Variants in DAB1 observed in about 807,000 individuals in gnomAD.
The protein encoded by DAB1 is DAB adaptor protein 1, also known as disabled homolog 1.
In DAB1, 15 loss-of-function variants were observed where a neutral mutation model predicts 64.6. That is an observed-to-expected ratio of 0.23 (90% CI 0.16 to 0.36). DAB1 has a LOEUF of 0.36. DAB1 is among the 10% of genes least tolerant of loss of function. The pLI is 1.00. For synonymous variants in DAB1, 235 were observed against 251.9 expected, an observed-to-expected ratio of 0.93 and a Z score of 0.64; for missense variants, 596 against 706.7, an observed-to-expected ratio of 0.84 and a Z score of 1.78.
intron 1 of DAB1, among the ~76,000 whole-genome samples, chr1:58,541,789 T>C (rs115513802): frequency 0.029 from 4,417 of 152,252 alleles, 84 homozygotes; most frequent in Non-Finnish European, 0.045. Context: ...GAAGGATCTG[T>C]TCATGATAAA....
chr1:58,361,687 T>C (rs923880938), intron 3 of DAB1, among the ~76,000 whole-genome samples: 1 of 152,018 alleles, frequency 6.6e-6, no homozygotes, highest in Non-Finnish European at 1.5e-5. Flanking sequence ...TGGCTTTCAG[T>C]CTCAGCTCTA....
intron 4 of DAB1, among the ~76,000 whole-genome samples, chr1:57,130,357 A>G (rs1657545745): frequency 6.6e-6 from 1 of 152,140 alleles, no homozygotes; most frequent in Non-Finnish European, 1.5e-5. Context: ...ATACATACAC[A>G]TTAAGAAAAA....
chr1:57,834,313 C>T lies in DAB1; in HGVS notation n.88-7858G>A, dbSNP rs549946042. ...TCTACTAAAAGAAATCAATTAGTTT[C>T]GTCTTGAAAATAAAATAAAATACAC... On this transcript the variant is annotated intron_variant and non_coding_transcript_variant, in intron 1 of 1. Coordinates refer to the DAB1 transcript ENST00000477280. Among the ~76,000 whole-genome samples the T allele has an allele frequency of 5.9e-5, 9 of 152,066 alleles. 1 individual carries two copies. In the South Asian group the frequency reaches 1.5e-3, roughly 25 times the overall value.
At chr1:58,039,385 G>T (rs1170912393) in intron 5 of DAB1, among the ~76,000 whole-genome samples, 5 of 152,142 alleles carry the variant, frequency 3.3e-5, no homozygotes, top group African/African-American at 9.7e-5. Flanking sequence ...AAAGGCTCTT[G>T]ATCAGGGTCC....
At chr1:57,312,847 C>T (rs1674841159) in intron 1 of DAB1, among the ~76,000 whole-genome samples, 1 of 152,060 alleles carries the variant, frequency 6.6e-6, no homozygotes, top group Non-Finnish European at 1.5e-5. Context: ...ACCTGTTTCT[C>T]CACTTGCTCA....
At chr1:57,483,062 T>C (rs533453702) in intron 7 of DAB1, among the ~76,000 whole-genome samples, 1 of 152,304 alleles carries the variant, frequency 6.6e-6, no homozygotes, top group Admixed American at 6.5e-5. Context: ...AAGTAGAATA[T>C]AAATTGAATG....
At position 57,026,027 on chromosome 1, in the gene DAB1, T is replaced by C. The variant is rs1165600535; in HGVS notation, c.740A>G (p.Glu247Gly). The change falls in exon 10 of 15, where the codon GAA (glutamate) becomes GGA (glycine). Residue 247 changes from glutamate (E) to glycine (G), a missense_variant. This residue lies in a region of DAB1 where 176 missense variants were observed against 266.7 expected (regional missense o/e 0.66). Coordinates refer to ENST00000371236, the MANE Select transcript of DAB1 (RefSeq NM_001365792.1). ...GGGTGTGGACATGTCCCCAAAAAGT[T>C]CTAATTGGGTCACAGCCTGTAAAGA... ...SQPVSAVTQL[E>G]LFGDMSTPPD... 1.3e-6 allele frequency: 2 copies of C among 1,598,460 alleles called. No homozygotes were observed. Among genetic ancestry groups the C allele is most frequent in the East Asian group, 4.6e-5 (2 of 43,944 alleles).
At chr1:57,737,778 G>A (rs1053346718) in intron 6 of DAB1, among the ~76,000 whole-genome samples, 2 of 152,190 alleles carry the variant, frequency 1.3e-5, no homozygotes, top group Non-Finnish European at 2.9e-5. Flanking sequence ...GCAGGGAAGA[G>A]TATGGTCATT....
chr1:57,052,107 C>T lies in DAB1; in HGVS notation c.723+10777G>A, dbSNP rs112325306. ...CACCAGTTTCTTTATATGTAAATCA[C>T]GTCTACCTGCTAGGGTTGTGATTAC... is the stretch of plus-strand genomic sequence containing the variant. On this transcript the variant is annotated intron_variant, in intron 9 of 14. Coordinates refer to ENST00000371236, the MANE Select transcript of DAB1 (RefSeq NM_001365792.1). 4.8e-3 allele frequency among the ~76,000 whole-genome samples: 577 copies of T among 119,726 alleles called. 5 individuals carry two copies. The highest frequency in any genetic ancestry group is 7.2e-3 in the Non-Finnish European group (448 of 62,218). 78.5% of individuals were successfully genotyped at this position (119,726 alleles called of 152,430 possible).
intron 7 of DAB1, among the ~76,000 whole-genome samples, chr1:57,567,632 A>T (rs1558501617): frequency 1.3e-5 from 2 of 152,226 alleles, no homozygotes; most frequent in Non-Finnish European, 2.9e-5. Flanking sequence ...ATACACCAAT[A>T]ACAGACAAAC....
chr1:57,028,160 G>A (rs1326312449), intron 9 of DAB1, among the ~76,000 whole-genome samples: 3 of 152,132 alleles, frequency 2.0e-5, no homozygotes, highest in South Asian at 2.1e-4. Flanking sequence ...GTTGTGGGAG[G>A]GACACACGGG....
At chr1:58,300,625 AGAGAGAGAGAGAGAGAGAGAGAGG>A (rs1557726118) in intron 4 of DAB1, among the ~76,000 whole-genome samples, 21 of 33,358 alleles carry the variant, frequency 6.3e-4, no homozygotes, top group Non-Finnish European at 1.5e-3. Context: ...AGAGAGAGAG[AGAGAGAGAGAGAGAGAGAGAGAGG>A]AAGGAAGGAA....
chr1:57,532,203 T>G (rs575363059), intron 7 of DAB1, among the ~76,000 whole-genome samples: 1 of 151,994 alleles, frequency 6.6e-6, no homozygotes, highest in East Asian at 1.9e-4. Context: ...TTCTCTGGGC[T>G]TAGGGACAGG....
chr1:58,426,054 T>A (rs1347977974), intron 3 of DAB1, among the ~76,000 whole-genome samples: 2 of 152,210 alleles, frequency 1.3e-5, no homozygotes, highest in Non-Finnish European at 2.9e-5. Flanking sequence ...GAGTGGAACT[T>A]AAAGTTTGCA....
intron 3 of DAB1, among the ~76,000 whole-genome samples, chr1:58,495,838 A>C (rs188474506): frequency 7.6e-4 from 116 of 152,332 alleles, no homozygotes; most frequent in African/African-American, 2.5e-3. Flanking sequence ...GAGGAAAGAA[A>C]TATCTTCCTT....
rs150295307 is a variant in DAB1 at position 57,839,058 on chromosome 1, C to T, written n.88-12603G>A. ...GGCCTCCCAAAGTTGTAGGATTACA[C>T]GCATGAGCCACTGCACCCAGCCAAA... On this transcript the variant is annotated intron_variant and non_coding_transcript_variant, in intron 1 of 1. Coordinates refer to the DAB1 transcript ENST00000477280. 5.6e-4 allele frequency among the ~76,000 whole-genome samples: 85 copies of T among 152,236 alleles called. 1 individual carries two copies. The highest frequency in any genetic ancestry group is 1.4e-3 in the Admixed American group (21 of 15,294).
At chr1:57,908,651 G>A (rs1010297080) in intron 5 of DAB1, among the ~76,000 whole-genome samples, 26 of 152,058 alleles carry the variant, frequency 1.7e-4, no homozygotes, top group Non-Finnish European at 2.9e-4. Context: ...GGAAGAACTT[G>A]GCAGCTCAGA....
chr1:58,139,225 T>A (rs757660573), intron 5 of DAB1, among the ~76,000 whole-genome samples: 24 of 152,162 alleles, frequency 1.6e-4, no homozygotes, highest in Non-Finnish European at 2.9e-4. Flanking sequence ...CCAAGATACT[T>A]CATGGGCTCC....
intron 5 of DAB1, among the ~76,000 whole-genome samples, chr1:58,045,776 GC>G (rs1647228685): frequency 6.7e-6 from 1 of 149,896 alleles, no homozygotes; most frequent in East Asian, 2.0e-4. Flanking sequence ...CTCCCTTTTT[GC>G]CTCTTTTCCC....
Sources: allele counts gnomAD v4.1 joint callset (sites outside exome capture counted in the v4.1 genomes callset), GRCh38; gene constraint gnomAD v4.1.1; regional missense constraint gnomAD v4.1.1; transcripts MANE v1.5; gene names NCBI Gene and HGNC (gene_info 2026-07-23, HGNC 2026-07-21).